GABBR2: variants seen among roughly 807,000 people sequenced by gnomAD.
The protein encoded by GABBR2 is G-protein coupled receptor 51.
In GABBR2, 23 loss-of-function variants were observed where a neutral mutation model predicts 105.6. The observed-to-expected ratio is 0.22, with a 90% confidence interval of 0.16 to 0.31. The LOEUF (loss-of-function observed/expected upper bound fraction) is 0.31. Ranked by LOEUF, GABBR2 falls within the 10% of genes least tolerant of loss-of-function variation. The probability of loss-of-function intolerance (pLI) is 1.00; values close to 1 mark genes in which losing one functional copy is unlikely to be tolerated. For missense variants in GABBR2, 734 were observed against 1,245.5 expected, an observed-to-expected ratio of 0.59 and a Z score of 6.18; for synonymous variants, 478 against 499.7, an observed-to-expected ratio of 0.96 and a Z score of 0.58.
At chr9:98,487,744 C>T (rs1827088655) in intron 4 of GABBR2, among the ~76,000 whole-genome samples, 1 of 152,098 alleles carries the variant, frequency 6.6e-6, no homozygotes, top group Non-Finnish European at 1.5e-5. Flanking sequence ...CACCACTACA[C>T]TCCAGCCTGG....
At chr9:98,391,999 G>A (rs1832189912) in intron 9 of GABBR2, among the ~76,000 whole-genome samples, 1 of 152,076 alleles carries the variant, frequency 6.6e-6, no homozygotes. Flanking sequence ...CCCAGGCCAG[G>A]TGTGGATAGA....
intron 5 of GABBR2, among the ~76,000 whole-genome samples, chr9:98,474,234 T>C (rs142186556): frequency 2.6e-4 from 40 of 152,272 alleles, no homozygotes; most frequent in African/African-American, 7.7e-4. Context: ...TGGATCTAGT[T>C]CTGCTGACTT....
chr9:98,574,915 G>C (rs10986801), intron 2 of GABBR2, among the ~76,000 whole-genome samples: 30,589 of 152,060 alleles, frequency 0.2, 3,414 homozygotes, highest in African/African-American at 0.3. Flanking sequence ...TGGACAAAGC[G>C]TCCATCTTCA....
In GABBR2 at chr9:98,290,280, T is replaced by TG. The variant is rs550710050; in HGVS notation, c.*303_*304insC. 15,381 of 174,850 alleles carry TG rather than the reference T, an allele frequency of 0.088. 2,830 individuals are homozygous for TG. The highest frequency in any genetic ancestry group is 0.38 in the African/African-American group (14,560 of 37,988). The allele number at this position is 174,850 out of a possible 1,614,324, so 10.8% of individuals were successfully genotyped here. ...TGTCTAGTTTTTTTGTTTTTTTTTT[T>TG]TTTTTTTTTTTTTTGCAAGTTTGAT... On this transcript the variant is annotated 3_prime_UTR_variant, in exon 19 of 19. Coordinates refer to ENST00000259455, the MANE Select transcript of GABBR2 (RefSeq NM_005458.8).
rs577782070 is a variant in GABBR2 at position 98,469,640 on chromosome 9, A to G, written c.999+3506T>C. On this transcript the variant is annotated intron_variant, in intron 6 of 18. Coordinates refer to ENST00000259455, the MANE Select transcript of GABBR2 (RefSeq NM_005458.8). ...ATCCTGAGAGCCTTAAGTTAATTAC[A>G]CCTGCAAAACCCCCCTTTTCCAAAC... Among the ~76,000 whole-genome samples, 6 of 152,302 alleles carry G rather than the reference A, an allele frequency of 3.9e-5. No individual in the cohort carries two copies. The South Asian group carries it at 1.2e-3, about 32-fold the overall frequency.
intron 1 of GABBR2, among the ~76,000 whole-genome samples, chr9:98,668,207 C>T (rs72760700): frequency 0.11 from 17,376 of 151,304 alleles, 1,132 homozygotes; most frequent in African/African-American, 0.17. Context: ...CTTTTGCAGG[C>T]AATTCTCCAT....
chr9:98,459,909 C>T (rs970669262), intron 6 of GABBR2, among the ~76,000 whole-genome samples: 1 of 152,110 alleles, frequency 6.6e-6, no homozygotes, highest in Admixed American at 6.6e-5. Context: ...ATACATTTTC[C>T]CTGGAGAAAG....
At chr9:98,463,693 T>A (rs1208873312) in intron 6 of GABBR2, among the ~76,000 whole-genome samples, 1 of 149,492 alleles carries the variant, frequency 6.7e-6, no homozygotes, top group Non-Finnish European at 1.5e-5. Context: ...TGGGCAGTAC[T>A]GCCGTGATCT....
chr9:98,460,151 T>A (rs1326962623), intron 6 of GABBR2, among the ~76,000 whole-genome samples: 5 of 152,192 alleles, frequency 3.3e-5, no homozygotes, highest in Non-Finnish European at 7.4e-5. Flanking sequence ...CACGCCTGTA[T>A]TCCCAGCACT....
At chr9:98,603,745 G>A (rs912922298) in intron 1 of GABBR2, among the ~76,000 whole-genome samples, 5 of 152,130 alleles carry the variant, frequency 3.3e-5, no homozygotes, top group Non-Finnish European at 7.4e-5. Flanking sequence ...CTGGCCCAAA[G>A]CTGATTAATT....
chr9:98,617,051 T>G (rs1485670230), intron 1 of GABBR2, among the ~76,000 whole-genome samples: 1 of 152,220 alleles, frequency 6.6e-6, no homozygotes, highest in East Asian at 1.9e-4. Flanking sequence ...CTCTCCTCCA[T>G]TCACATTCTG....
chr9:98,633,513 T>C (rs899577444), intron 1 of GABBR2, among the ~76,000 whole-genome samples: 7 of 150,502 alleles, frequency 4.7e-5, no homozygotes, highest in Non-Finnish European at 1.5e-5. Context: ...TAATCCCAGC[T>C]ACTTGGGAGG....
At chr9:98,626,256 G>A (rs916066105) in intron 1 of GABBR2, among the ~76,000 whole-genome samples, 3 of 152,194 alleles carry the variant, frequency 2.0e-5, no homozygotes, top group African/African-American at 7.2e-5. Context: ...GGAGGAAAAT[G>A]GGGAGTGACT....
At chr9:98,571,575 TC>T (rs1828830826) in intron 2 of GABBR2, among the ~76,000 whole-genome samples, 1 of 152,090 alleles carries the variant, frequency 6.6e-6, no homozygotes, top group South Asian at 2.1e-4. Flanking sequence ...ATCTGATAAA[TC>T]CCCTAACCTA....
At chr9:98,617,868 G>C (rs1829610301) in intron 1 of GABBR2, among the ~76,000 whole-genome samples, 1 of 152,146 alleles carries the variant, frequency 6.6e-6, no homozygotes, top group African/African-American at 2.4e-5. Context: ...AGACAGATCT[G>C]CACCCAGTGA....
intron 1 of GABBR2, among the ~76,000 whole-genome samples, chr9:98,584,353 TC>T (rs1829041289): frequency 6.6e-6 from 1 of 152,166 alleles, no homozygotes; most frequent in Non-Finnish European, 1.5e-5. Context: ...CTGCCTTCCC[TC>T]CCTCCCTCTT....
At chr9:98,326,866 A>G (rs1830933335) in intron 13 of GABBR2, among the ~76,000 whole-genome samples, 2 of 152,222 alleles carry the variant, frequency 1.3e-5, no homozygotes, top group African/African-American at 4.8e-5. Context: ...TGAGAAAAGT[A>G]TTATTTCCTC....
chr9:98,472,195 C>T (rs1826698010), intron 6 of GABBR2, among the ~76,000 whole-genome samples: 1 of 152,172 alleles, frequency 6.6e-6, no homozygotes, highest in African/African-American at 2.4e-5. Context: ...ATGTGCATTG[C>T]TGTGCTGAAT....
chr9:98,623,742 C>T (rs1337203053), intron 1 of GABBR2, among the ~76,000 whole-genome samples: 3 of 152,216 alleles, frequency 2.0e-5, no homozygotes, highest in Non-Finnish European at 4.4e-5. Context: ...TGCCTCCCTT[C>T]TAAGATCCCT....
Sources: gnomAD v4.1 joint callset for allele counts (sites outside exome capture counted in the v4.1 genomes callset) on GRCh38, gnomAD v4.1.1 for gene constraint, MANE v1.5 for transcripts, NCBI Gene and HGNC (gene_info 2026-07-23, HGNC 2026-07-21) for gene names.